Variants in PLEKHA6 observed in about 807,000 individuals in gnomAD.
PLEKHA6 encodes pleckstrin homology domain containing A6.
Under a neutral mutation model 116.7 loss-of-function variants are expected in PLEKHA6, and 60 were observed. The ratio of observed to expected loss-of-function variants is 0.51; its 90% CI spans 0.42 to 0.64. PLEKHA6 has a LOEUF of 0.64. Ranked by LOEUF, PLEKHA6 falls within the 30% of genes least tolerant of loss-of-function variation. PLEKHA6 has a pLI of 0.00. For synonymous variants in PLEKHA6, 489 were observed against 556.1 expected (o/e 0.88, Z 1.70); for missense variants, 1,338 against 1,422.7 (o/e 0.94, Z 0.96).
chr1:204,257,301 G>C lies in PLEKHA6; in HGVS notation c.1524+52C>G. 1 of 1,513,720 alleles carries C rather than the reference G, an allele frequency of 6.6e-7. No individual in the cohort carries two copies. 93.8% of individuals were successfully genotyped at this position (1,513,720 alleles called of 1,614,324 possible). ...TGCCTTTTCTCAGTAGATGGTCTTA[G>C]GCTTCTGGGGACCTCAGGGGATGAG... On this transcript the variant is annotated intron_variant, in intron 9 of 22. Coordinates refer to ENST00000272203, the MANE Select transcript of PLEKHA6 (RefSeq NM_014935.5). This position sits in a 1 kb window ranked among gnomAD's most constrained non-coding sequence, Gnocchi z 6.5.
In PLEKHA6 at chr1:204,368,110, G is replaced by A. The variant is rs140347602; in HGVS notation, c.161-254C>T. 3.0e-3 allele frequency among the ~76,000 whole-genome samples: 452 copies of A among 152,286 alleles called. 3 individuals carry two copies. Among genetic ancestry groups the A allele is most frequent in the African/African-American group, 0.01 (419 of 41,552 alleles). On this transcript the variant is annotated intron_variant, in intron 2 of 4. Coordinates refer to the PLEKHA6 transcript ENST00000564627. ...TCCGTCAATGAGCGGTGAAGTGACC[G>A]AATGAATCATAGCCTGGCAGGATGC... is the stretch of plus-strand genomic sequence containing the variant.
At chr1:204,241,858 T>C (rs753313077) in intron 15 of PLEKHA6, 44 bp from the exon 16 acceptor site, 2 of 1,608,204 alleles carry the variant, frequency 1.2e-6, no homozygotes, top group Non-Finnish European at 1.7e-6. Context: ...AGTATGGCTG[T>C]CAGGAACTTG....
intron 1 of PLEKHA6, chr1:204,326,993 T>G: frequency 1.0e-6 from 1 of 985,362 alleles, no homozygotes; most frequent in Non-Finnish European, 1.2e-6. Flanking sequence ...CGGCAGCCTC[T>G]GTAGTAGGGA....
chr1:204,308,223 C>A (rs185813627), intron 1 of PLEKHA6, among the ~76,000 whole-genome samples: 1 of 152,296 alleles, frequency 6.6e-6, no homozygotes, highest in East Asian at 1.9e-4. Context: ...TGACTCCCAG[C>A]CCGATTCGGC....
At chr1:204,247,560 G>A in intron 12 of PLEKHA6, 100 bp from the exon 13 acceptor site, 1 of 750,992 alleles carries the variant, frequency 1.3e-6, no homozygotes, top group South Asian at 1.5e-5. Context: ...GAGGCACAAA[G>A]ATCTGGGGAA....
chr1:204,256,683 C>G, intron 9 of PLEKHA6: 1 of 427,322 alleles, frequency 2.3e-6, no homozygotes, highest in South Asian at 7.4e-5. Flanking sequence ...CTGCTAAAAA[C>G]CAGCCAGGCC....
At chr1:204,319,022 T>C (rs1671962928) in intron 1 of PLEKHA6, among the ~76,000 whole-genome samples, 1 of 152,192 alleles carries the variant, frequency 6.6e-6, no homozygotes, top group Non-Finnish European at 1.5e-5. Flanking sequence ...CAGTCTGCCC[T>C]TGCTTCCTTC....
chr1:204,247,740 C>T (rs972610039), intron 12 of PLEKHA6, among the ~76,000 whole-genome samples: 6 of 152,108 alleles, frequency 3.9e-5, no homozygotes, highest in Admixed American at 1.3e-4. Flanking sequence ...CCCAGATCAG[C>T]GGATAAAAAG....
intron 2 of PLEKHA6, among the ~76,000 whole-genome samples, 184 bp from the exon 3 acceptor site, chr1:204,273,924 T>C (rs1258660600): frequency 6.6e-6 from 1 of 152,120 alleles, no homozygotes; most frequent in African/African-American, 2.4e-5. Flanking sequence ...ATGTCAGGGA[T>C]CTTGGACATT....
chr1:204,312,493 G>A (rs966013520), intron 1 of PLEKHA6, among the ~76,000 whole-genome samples: 6 of 152,186 alleles, frequency 3.9e-5, no homozygotes, highest in African/African-American at 1.4e-4. Flanking sequence ...CCTTGCTTGG[G>A]TCTGGCTCCA....
intron 1 of PLEKHA6, among the ~76,000 whole-genome samples, chr1:204,352,810 C>T (rs1470359328): frequency 6.6e-6 from 1 of 152,046 alleles, no homozygotes; most frequent in East Asian, 1.9e-4. Flanking sequence ...CAAAGTGAGA[C>T]TCTGTCTCTA....
At chr1:204,340,597 C>G (rs1313008646) in intron 1 of PLEKHA6, among the ~76,000 whole-genome samples, 1 of 152,142 alleles carries the variant, frequency 6.6e-6, no homozygotes, top group East Asian at 1.9e-4. Flanking sequence ...ATGAGCCAAG[C>G]TGGGCAAGTA....
intron 1 of PLEKHA6, among the ~76,000 whole-genome samples, chr1:204,292,935 A>G (rs1440269020): frequency 1.3e-5 from 2 of 152,088 alleles, no homozygotes; most frequent in East Asian, 3.9e-4. Flanking sequence ...GGCCAGACAC[A>G]CGGCTGCGTT....
chr1:204,309,154 G>T, intron 1 of PLEKHA6: 1 of 555,874 alleles, frequency 1.8e-6, no homozygotes, highest in Non-Finnish European at 2.3e-6. Flanking sequence ...TATTTGACGT[G>T]CAGGCTGAGG....
intron 3 of PLEKHA6, among the ~76,000 whole-genome samples, chr1:204,273,154 T>A (rs769375625): frequency 7.9e-5 from 12 of 152,126 alleles, no homozygotes; most frequent in Admixed American, 7.9e-4. Flanking sequence ...TCCTTCCCCC[T>A]CTCTGAGCTC....
chr1:204,280,341 T>C, intron 1 of PLEKHA6: 1 of 985,300 alleles, frequency 1.0e-6, no homozygotes, highest in Non-Finnish European at 1.2e-6. Flanking sequence ...TTTGCAGGCA[T>C]GTATGTTTAC....
At chr1:204,286,581 A>G (rs750166289) in intron 1 of PLEKHA6, among the ~76,000 whole-genome samples, 9 of 152,184 alleles carry the variant, frequency 5.9e-5, no homozygotes, top group Non-Finnish European at 1.3e-4. Flanking sequence ...TGGGCCAGGA[A>G]ATAAGACCAG....
chr1:204,308,668 G>A (rs1671501264), intron 1 of PLEKHA6, among the ~76,000 whole-genome samples: 2 of 123,960 alleles, frequency 1.6e-5, no homozygotes, highest in African/African-American at 3.2e-5. Flanking sequence ...GACTCAAGAA[G>A]GTAATTCTTT....
intron 2 of PLEKHA6, among the ~76,000 whole-genome samples, chr1:204,371,362 A>G (rs1673775506): frequency 6.6e-6 from 1 of 152,224 alleles, no homozygotes; most frequent in African/African-American, 2.4e-5. Flanking sequence ...GTGAGCTCCA[A>G]CAAGCCTGCA....
Sources: allele counts gnomAD v4.1 joint callset (sites outside exome capture counted in the v4.1 genomes callset), GRCh38; gene constraint gnomAD v4.1.1; non-coding constraint Gnocchi (gnomAD v3.1); transcripts MANE v1.5; gene names NCBI Gene and HGNC (gene_info 2026-07-23, HGNC 2026-07-21).